Variants in GABRB1 observed in about 807,000 individuals in gnomAD.
GABRB1 encodes the protein gamma-aminobutyric acid receptor subunit beta-1.
A neutral mutation model predicts 51.6 loss-of-function variants in GABRB1; 17 were observed. That is an observed-to-expected ratio of 0.33 (90% confidence interval 0.23 to 0.49). GABRB1 has a LOEUF of 0.49. Ranked by LOEUF, GABRB1 falls within the 20% of genes least tolerant of loss-of-function variation. The pLI, the probability that GABRB1 is intolerant of heterozygous loss-of-function variation, is 0.99. For synonymous variants in GABRB1, 247 were observed against 218.9 expected (o/e 1.13, Z -1.14); for missense variants, 410 against 600.6 (o/e 0.68, Z 3.32).
chr4:47,263,392 G>C (rs940512750), intron 4 of GABRB1, among the ~76,000 whole-genome samples: 29 of 152,094 alleles, frequency 1.9e-4, no homozygotes, highest in South Asian at 4.2e-4. Flanking sequence ...ATATGACTAG[G>C]GGAGAAGTAA....
At chr4:47,021,555 A>G (rs1724929737) in intron 1 of GABRB1, among the ~76,000 whole-genome samples, 1 of 152,132 alleles carries the variant, frequency 6.6e-6, no homozygotes, top group Admixed American at 6.6e-5. Flanking sequence ...TTTATCTTCA[A>G]TAATGTGCGG....
At chr4:47,000,819 T>G (rs1724156528) in intron 1 of GABRB1, among the ~76,000 whole-genome samples, 1 of 152,142 alleles carries the variant, frequency 6.6e-6, no homozygotes, top group Non-Finnish European at 1.5e-5. Context: ...CATTTCAAGT[T>G]AGACTGAAGC....
At chr4:47,266,401 T>C (rs561044144) in intron 4 of GABRB1, among the ~76,000 whole-genome samples, 2 of 152,306 alleles carry the variant, frequency 1.3e-5, no homozygotes, top group Non-Finnish European at 2.9e-5. Flanking sequence ...GTTTTGGCCA[T>C]TTGGGCTCTT....
chr4:47,407,069 A>G (rs1276323758), intron 8 of GABRB1, 143 bp downstream of exon 8: 3 of 836,964 alleles, frequency 3.6e-6, no homozygotes, highest in East Asian at 2.7e-5. Flanking sequence ...TTACATATTC[A>G]GGGACTGAGG....
intron 4 of GABRB1, among the ~76,000 whole-genome samples, chr4:47,205,391 T>C (rs907692997): frequency 4.6e-5 from 7 of 152,308 alleles, no homozygotes; most frequent in African/African-American, 1.7e-4. Context: ...TAATAAAATA[T>C]GCTGCTTGTG....
intron 1 of GABRB1, among the ~76,000 whole-genome samples, chr4:47,000,247 G>GA (rs1724137656): frequency 6.6e-6 from 1 of 152,084 alleles, no homozygotes; most frequent in Non-Finnish European, 1.5e-5. Flanking sequence ...AAATTTGCAT[G>GA]AAAAAATTAA....
chr4:47,056,849 T>C (rs536521587), intron 3 of GABRB1, among the ~76,000 whole-genome samples: 1 of 152,332 alleles, frequency 6.6e-6, no homozygotes, highest in Non-Finnish European at 1.5e-5. Context: ...GGCTCACGCC[T>C]GTACTCCCAG....
At chr4:47,094,583 G>A (rs115658205) in intron 3 of GABRB1, among the ~76,000 whole-genome samples, 2,539 of 152,058 alleles carry the variant, frequency 0.017, 62 homozygotes, top group African/African-American at 0.057. Flanking sequence ...ACATAGAGGG[G>A]AACAACATGC....
At chr4:47,003,723 C>T (rs1031319822) in intron 1 of GABRB1, among the ~76,000 whole-genome samples, 3 of 152,184 alleles carry the variant, frequency 2.0e-5, no homozygotes, top group Non-Finnish European at 2.9e-5. Flanking sequence ...TCTGTAATTG[C>T]TAACTACCAG....
intron 3 of GABRB1, among the ~76,000 whole-genome samples, chr4:47,131,514 G>A (rs565684337): frequency 2.0e-5 from 3 of 152,124 alleles, no homozygotes; most frequent in Non-Finnish European, 4.4e-5. Context: ...TTAGGTTGGT[G>A]CAAAAGTAAT....
chr4:47,019,058 A>T (rs1577829713), intron 1 of GABRB1, among the ~76,000 whole-genome samples: 1 of 152,170 alleles, frequency 6.6e-6, no homozygotes, highest in East Asian at 1.9e-4. Context: ...AATGAGATCA[A>T]ATGAAAATAA....
chr4:47,014,814 A>T (rs577085025), intron 1 of GABRB1, among the ~76,000 whole-genome samples: 2 of 152,364 alleles, frequency 1.3e-5, no homozygotes, highest in South Asian at 4.1e-4. Flanking sequence ...TATAGATAGG[A>T]TACTCTATGA....
intron 4 of GABRB1, among the ~76,000 whole-genome samples, chr4:47,262,100 A>G (rs1213110145): frequency 6.6e-6 from 1 of 151,348 alleles, no homozygotes; most frequent in African/African-American, 2.4e-5. Context: ...CTAGAAGAAA[A>G]CCTAGGCATT....
chr4:47,126,947 G>T (rs891766407), intron 3 of GABRB1, among the ~76,000 whole-genome samples: 9 of 151,818 alleles, frequency 5.9e-5, no homozygotes, highest in African/African-American at 1.2e-4. Flanking sequence ...TATACAGAGA[G>T]CCTCCCATTT....
chr4:47,221,800 A>G (rs1209361262), intron 4 of GABRB1, among the ~76,000 whole-genome samples: 1 of 152,030 alleles, frequency 6.6e-6, no homozygotes, highest in Non-Finnish European at 1.5e-5. Flanking sequence ...TCAACAGACC[A>G]ATACATTTTC....
At chr4:47,004,456 TGGTA>T (rs1413084298) in intron 1 of GABRB1, among the ~76,000 whole-genome samples, 1 of 152,172 alleles carries the variant, frequency 6.6e-6, no homozygotes, top group Non-Finnish European at 1.5e-5. Flanking sequence ...TATGGGTACA[TGGTA>T]GGTGTATTTG....
intron 3 of GABRB1, among the ~76,000 whole-genome samples, chr4:47,143,804 G>A (rs866057524): frequency 6.6e-6 from 1 of 151,778 alleles, no homozygotes; most frequent in Non-Finnish European, 1.5e-5. Flanking sequence ...ATACATGTCA[G>A]GCCTCCTTTT....
chr4:47,134,873 T>C (rs1716571697), intron 3 of GABRB1, among the ~76,000 whole-genome samples: 1 of 152,140 alleles, frequency 6.6e-6, no homozygotes, highest in African/African-American at 2.4e-5. Context: ...TCCCAGCACT[T>C]TGGGAGGCTG....
intron 4 of GABRB1, among the ~76,000 whole-genome samples, chr4:47,229,463 G>C: frequency 6.6e-6 from 1 of 152,192 alleles, no homozygotes; most frequent in East Asian, 1.9e-4. Flanking sequence ...GTAAGAAAAC[G>C]AGTGTATCCA....
Sources: gnomAD v4.1 joint callset for allele counts (sites outside exome capture counted in the v4.1 genomes callset) on GRCh38, gnomAD v4.1.1 for gene constraint, MANE v1.5 for transcripts, NCBI Gene and HGNC (gene_info 2026-07-23, HGNC 2026-07-21) for gene names.